Variants in CDHR2 observed in about 807,000 individuals in gnomAD.
CDHR2 encodes the protein cadherin-related family member 2.
In CDHR2, 104 loss-of-function variants were observed where a neutral mutation model predicts 138.6. The ratio of observed to expected loss-of-function variants is 0.75; its 90% CI spans 0.64 to 0.88. The LOEUF (loss-of-function observed/expected upper bound fraction) is 0.88. Ranked by LOEUF, CDHR2 falls within the 40% of genes least tolerant of loss-of-function variation. The pLI is 0.00. For synonymous variants in CDHR2, 755 were observed against 742.8 expected (o/e 1.02, Z -0.27); for missense variants, 1,624 against 1,727.6 (o/e 0.94, Z 1.06).
Position 176,576,512 on chromosome 5 carries a change from C to T in CDHR2, c.1194+327C>T, listed in dbSNP as rs1379953632. On this transcript the variant is annotated intron_variant, in intron 12 of 31. Transcript: ENST00000261944. The surrounding 1 kb of genome is among the most constrained non-coding windows in gnomAD (Gnocchi z 4.5). ...TTGGGCGGCCATGATTTGGGTAGTC[C>T]TGGGAACTGGGGGAGGCTGAGCAGT... 6.6e-6 allele frequency among the ~76,000 whole-genome samples: 1 copy of T among 151,368 alleles called. No homozygotes were observed. Among genetic ancestry groups the T allele is most frequent in the Non-Finnish European group, 1.5e-5 (1 of 67,866 alleles).
chr5:176,564,671 T>C (rs940177396), intron 1 of CDHR2, among the ~76,000 whole-genome samples: 2 of 151,914 alleles, frequency 1.3e-5, no homozygotes, highest in African/African-American at 2.4e-5. Flanking sequence ...GATCCCAGAG[T>C]ATGCAGCCCT....
At position 176,577,463 on chromosome 5, in the gene CDHR2, C is replaced by A; in HGVS notation, c.1259C>A (p.Pro420Gln). Residue 420 changes from proline (P) to glutamine (Q), a missense_variant, in exon 13 of 32, where the codon CCG becomes CAG. Physicochemically the swap from Pro to Gln is moderately conservative, Grantham distance 76 (BLOSUM62 -1). Coordinates refer to ENST00000261944, the MANE Select transcript of CDHR2 (RefSeq NM_017675.6). ...GPDAEAFSVS[P>Q]ERAVGSASVQ... ...GATGCAGAAGCCTTCAGCGTCTCCC[C>A]GGAGCGGGCAGTGGGCTCAGCCTCC... The A allele has an allele frequency of 6.2e-7, 1 of 1,610,252 alleles. No individual in the cohort carries two copies. The highest frequency in any genetic ancestry group is 1.7e-4 in the Middle Eastern group (1 of 6,050).
rs549308826 is a variant in CDHR2 at position 176,586,704 on chromosome 5, G to T, written c.2807-89G>T. On this transcript the variant is annotated intron_variant, in intron 20 of 31. Coordinates refer to ENST00000261944, the MANE Select transcript of CDHR2 (RefSeq NM_017675.6). The stretch of plus-strand genomic sequence containing the variant: ...GAGAGGTTGAGGGCAGGTTTAGGGG[G>T]ATGAGCCCTGAGCTGGGCTCGTGAC... 9 of 1,214,400 alleles carry T rather than the reference G, an allele frequency of 7.4e-6. No homozygotes were observed. In the Admixed American group the frequency reaches 1.8e-4, roughly 24 times the overall value. 75.2% of individuals were successfully genotyped at this position (1,214,400 alleles called of 1,614,324 possible). A position where few individuals can be genotyped will look rare whatever the true frequency, so the allele number is the denominator to read the frequency against.
chr5:176,578,337 A>C, intron 15 of CDHR2, 28 bp from the exon 16 acceptor site: 1 of 1,595,434 alleles, frequency 6.3e-7, no homozygotes, highest in Non-Finnish European at 8.5e-7. Flanking sequence ...CTGTGTCTCT[A>C]TTTGCTGAAC....
In CDHR2 at chr5:176,574,945, C is replaced by T. The variant is rs915949047; in HGVS notation, c.496-139C>T. The T allele has an allele frequency of 4.6e-5, 44 of 965,496 alleles. No homozygotes were observed. The African/African-American group carries it at 7.0e-4, about 15-fold the overall frequency. 59.8% of individuals were successfully genotyped at this position (965,496 alleles called of 1,614,324 possible). A position where few individuals can be genotyped will look rare whatever the true frequency, so the allele number is the denominator to read the frequency against. The stretch of plus-strand genomic sequence containing the variant: ...CATTTCCTGGAGCTGGAAACTGAGG[C>T]TCAGAGAGGTCATATGACCTGGTGC... On this transcript the variant is annotated intron_variant, in intron 7 of 31. Transcript: ENST00000261944.
chr5:176,564,480 G>A (rs916191595), intron 1 of CDHR2, among the ~76,000 whole-genome samples: 2 of 152,196 alleles, frequency 1.3e-5, no homozygotes, highest in Non-Finnish European at 1.5e-5. Context: ...GAGCCACCAC[G>A]CCCAGCCTTG....
intron 2 of CDHR2, 75 bp from the exon 3 acceptor site, chr5:176,565,597 G>C: frequency 2.2e-6 from 3 of 1,374,266 alleles, no homozygotes; most frequent in Non-Finnish European, 3.1e-6. Context: ...GGACTAGTGT[G>C]TGCTCCCAGG....
Position 176,576,628 on chromosome 5 carries a change from G to A in CDHR2, c.1194+443G>A, listed in dbSNP as rs1758389408. 6.6e-6 allele frequency among the ~76,000 whole-genome samples: 1 copy of A among 150,762 alleles called. No individual in the cohort carries two copies. The highest frequency in any genetic ancestry group is 1.5e-5 in the Non-Finnish European group (1 of 67,772). On this transcript the variant is annotated intron_variant, in intron 12 of 31. Transcript: ENST00000261944. The surrounding 1 kb of genome is among the most constrained non-coding windows in gnomAD (Gnocchi z 4.5). ...ATTTCGCTCTGTCACCCAGGCTGGA[G>A]TGCAATGGCCCAATCTTGGCCCACT...
intron 30 of CDHR2, among the ~76,000 whole-genome samples, chr5:176,592,428 A>G (rs1347710208): frequency 1.6e-5 from 2 of 121,710 alleles, no homozygotes; most frequent in African/African-American, 6.9e-5. Flanking sequence ...GGTGATGGTG[A>G]TGGTGGTGAT....
Position 176,543,853 on chromosome 5 carries a change from C to G in CDHR2, c.-16+1084C>G, listed in dbSNP as rs1203198778. The G allele has an allele frequency of 6.6e-6, 1 of 152,438 alleles. No individual in the cohort carries two copies. The highest frequency in any genetic ancestry group is 1.5e-5 in the Non-Finnish European group (1 of 68,228). 9.4% of individuals were successfully genotyped at this position (152,438 alleles called of 1,614,324 possible). A position where few individuals can be genotyped will look rare whatever the true frequency, so the allele number is the denominator to read the frequency against. On this transcript the variant is annotated intron_variant, in intron 1 of 31. Coordinates refer to the CDHR2 transcript ENST00000510636. The surrounding 1 kb of genome is among the most constrained non-coding windows in gnomAD (Gnocchi z 4.0). ...GGAGGATGGGAGACTCCAGTGACAA[C>G]AAAACGAGGCGGCCGGCCGAGACAT...
intron 10 of CDHR2, 71 bp from the exon 11 acceptor site, chr5:176,575,653 G>A: frequency 1.3e-6 from 2 of 1,597,938 alleles, no homozygotes; most frequent in African/African-American, 2.7e-5. Context: ...GTCCCTGGAG[G>A]CAATGGGCCT....
intron 16 of CDHR2, among the ~76,000 whole-genome samples, chr5:176,580,506 G>T (rs1368258331): frequency 5.1e-5 from 7 of 138,172 alleles, no homozygotes; most frequent in African/African-American, 1.9e-4. Context: ...TCCACTCTGG[G>T]CAACAGAGTG....
At chr5:176,590,730 C>T in intron 28 of CDHR2, 43 bp downstream of exon 28, 1 of 1,611,310 alleles carries the variant, frequency 6.2e-7, no homozygotes, top group Non-Finnish European at 8.5e-7. Context: ...TTCACCCTCT[C>T]CCACCACCCA....
At chr5:176,572,390 A>AAAATAAATAAAT (rs10527338) in intron 6 of CDHR2, among the ~76,000 whole-genome samples, 2,075 of 148,596 alleles carry the variant, frequency 0.014, 37 homozygotes, top group African/African-American at 0.04. Flanking sequence ...CTCCATCTCA[A>AAAATAAATAAAT]AAATAAATAA....
chr5:176,578,102 G>C lies in CDHR2; in HGVS notation c.1574+7G>C, dbSNP rs1429144427. On this transcript the variant is annotated splice_region_variant and intron_variant, in intron 15 of 31. Transcript: ENST00000261944. ...GCCTGCTCCCAGGAAATGGGTAAGG[G>C]CTCAGGGTGGGCCGTAGGCAGGTGG... 1.2e-6 allele frequency: 2 copies of C among 1,610,662 alleles called. No homozygotes were observed. Among genetic ancestry groups the C allele is most frequent in the Non-Finnish European group, 1.7e-6 (2 of 1,177,572 alleles).
chr5:176,590,799 C>A, intron 28 of CDHR2, 112 bp downstream of exon 28: 1 of 1,405,134 alleles, frequency 7.1e-7, no homozygotes, highest in African/African-American at 1.4e-5. Flanking sequence ...TACATGCATT[C>A]ACTCCCCAGT....
chr5:176,546,401 G>A (rs992246477), upstream of CDHR2, among the ~76,000 whole-genome samples: 6 of 152,008 alleles, frequency 3.9e-5, no homozygotes, highest in African/African-American at 9.7e-5. Context: ...ATGCCCCCAC[G>A]AAAACTAACA....
chr5:176,556,467 C>A (rs1455605193), intron 1 of CDHR2, among the ~76,000 whole-genome samples: 2 of 152,178 alleles, frequency 1.3e-5, no homozygotes, highest in Non-Finnish European at 1.5e-5. Context: ...GAGATCGAGA[C>A]CATCCCGGCT....
intron 1 of CDHR2, among the ~76,000 whole-genome samples, chr5:176,555,199 CTA>C (rs1156752773): frequency 6.6e-6 from 1 of 152,206 alleles, no homozygotes; most frequent in Non-Finnish European, 1.5e-5. Flanking sequence ...GCTTCTTATT[CTA>C]TGTTAGTTGG....
Sources: gnomAD v4.1 joint callset for allele counts (sites outside exome capture counted in the v4.1 genomes callset) on GRCh38, gnomAD v4.1.1 for gene constraint, Gnocchi (gnomAD v3.1) non-coding constraint, MANE v1.5 for transcripts, NCBI Gene and HGNC (gene_info 2026-07-23, HGNC 2026-07-21) for gene names.